The following DCBLD2 variants were observed in gnomAD, a reference collection of about 807,000 sequenced individuals.
DCBLD2 encodes the protein discoidin, CUB and LCCL domain-containing protein 2.
In DCBLD2, 54 loss-of-function variants were observed where a neutral mutation model predicts 86.8. The observed-to-expected ratio is 0.62, with a 90% CI of 0.50 to 0.78. DCBLD2 has a LOEUF of 0.78. DCBLD2 is among the 30% of genes least tolerant of loss of function. The pLI is 0.00. For missense variants in DCBLD2, 908 were observed against 954.2 expected (o/e 0.95, Z 0.64); for synonymous variants, 354 against 341.3 (o/e 1.04, Z -0.41).
intron 2 of DCBLD2, among the ~76,000 whole-genome samples, chr3:98,866,356 A>C (rs917885794): frequency 3.3e-5 from 5 of 151,986 alleles, no homozygotes; most frequent in Admixed American, 6.6e-5. Context: ...TTTCTCCACA[A>C]CCTCTCCAGC....
intron 3 of DCBLD2, among the ~76,000 whole-genome samples, chr3:98,832,058 T>C (rs1441679120): frequency 6.6e-6 from 1 of 152,190 alleles, no homozygotes; most frequent in African/African-American, 2.4e-5. Context: ...TCTCCCACTA[T>C]TATTGTGTGG....
intron 1 of DCBLD2, chr3:98,900,683 C>A: frequency 5.2e-6 from 1 of 191,064 alleles, no homozygotes; most frequent in South Asian, 8.9e-5. Flanking sequence ...CTTCAGAACC[C>A]GGGCTCTTTC....
intron 2 of DCBLD2, among the ~76,000 whole-genome samples, chr3:98,880,748 A>AT (rs201898290): frequency 0.012 from 1,754 of 152,238 alleles, 15 homozygotes; most frequent in Non-Finnish European, 0.017. Flanking sequence ...CATTCCCTGT[A>AT]TTTTTTACAA....
chr3:98,825,842 C>T (rs1942210179), intron 3 of DCBLD2, among the ~76,000 whole-genome samples: 1 of 151,808 alleles, frequency 6.6e-6, no homozygotes. Flanking sequence ...AATTTTATGG[C>T]TCTAACTATT....
chr3:98,886,117 G>GT (rs1161317757), intron 1 of DCBLD2, among the ~76,000 whole-genome samples: 1 of 151,732 alleles, frequency 6.6e-6, no homozygotes, highest in Non-Finnish European at 1.5e-5. Flanking sequence ...TAAGAGACTG[G>GT]TTTTCCCCCA....
intron 6 of DCBLD2, chr3:98,820,805 T>G (rs1480749732): frequency 6.7e-6 from 1 of 148,554 alleles, no homozygotes; most frequent in Non-Finnish European, 1.5e-5. Flanking sequence ...CAACATCTCA[T>G]GGAAGAAGTT....
intron 13 of DCBLD2, among the ~76,000 whole-genome samples, chr3:98,802,516 T>C (rs541983741): frequency 2.2e-4 from 34 of 152,236 alleles, no homozygotes; most frequent in African/African-American, 7.2e-4. Context: ...CCTGCTCACT[T>C]TGATGGTAGT....
At chr3:98,865,964 G>GT (rs1231780490) in intron 2 of DCBLD2, among the ~76,000 whole-genome samples, 1 of 150,458 alleles carries the variant, frequency 6.6e-6, no homozygotes, top group Admixed American at 6.7e-5. Context: ...GCGGTGTTCG[G>GT]TTTTTTGTCC....
chr3:98,799,188 G>T lies in DCBLD2; in HGVS notation c.*184C>A. The T allele has an allele frequency of 1.7e-6, 1 of 597,458 alleles. No individual in the cohort carries two copies. Among genetic ancestry groups the T allele is most frequent in the East Asian group, 2.9e-5 (1 of 34,172 alleles). The allele number at this position is 597,458 out of a possible 1,614,324, so 37.0% of individuals were successfully genotyped here. A position where few individuals can be genotyped will look rare whatever the true frequency, so the allele number is the denominator to read the frequency against. On this transcript the variant is annotated 3_prime_UTR_variant, in exon 16 of 16. Coordinates refer to ENST00000326840, the MANE Select transcript of DCBLD2 (RefSeq NM_080927.4). ...GAAATTTAACAGGCGAGCAGTAACT[G>T]TGCCACCATAACACCTTAAAGCAAG...
At chr3:98,815,942 T>C (rs1292816682) in intron 9 of DCBLD2, 1 of 98,852 alleles carries the variant, frequency 1.0e-5, no homozygotes, top group Non-Finnish European at 2.0e-5. Context: ...AAAATTAGAA[T>C]TGGGGAAGGG....
chr3:98,822,455 G>A (rs1428412940), intron 5 of DCBLD2, 94 bp from the exon 6 acceptor site: 1 of 1,457,060 alleles, frequency 6.9e-7, no homozygotes, highest in Admixed American at 2.6e-5. Flanking sequence ...GTTAATCTAG[G>A]CAGTTTCTTC....
intron 2 of DCBLD2, among the ~76,000 whole-genome samples, chr3:98,865,747 G>A (rs544657239): frequency 6.6e-5 from 10 of 151,772 alleles, no homozygotes; most frequent in African/African-American, 1.9e-4. Context: ...AAGTTCTAGG[G>A]TACATGTGCA....
intron 2 of DCBLD2, among the ~76,000 whole-genome samples, chr3:98,871,245 A>G (rs1943278319): frequency 6.6e-6 from 1 of 152,038 alleles, no homozygotes; most frequent in Admixed American, 6.6e-5. Context: ...AGATAGCTTG[A>G]TTTCTCTTTT....
chr3:98,900,626 A>G (rs1943830555), intron 1 of DCBLD2: 2 of 166,914 alleles, frequency 1.2e-5, no homozygotes, highest in South Asian at 1.4e-4. Context: ...TGTAAAGAAC[A>G]TGTTCTGAAT....
intron 14 of DCBLD2, among the ~76,000 whole-genome samples, chr3:98,801,088 G>A (rs1349123120): frequency 6.6e-6 from 1 of 152,184 alleles, no homozygotes; most frequent in African/African-American, 2.4e-5. Context: ...TGGCTCCTAA[G>A]AGCTGATCCA....
intron 3 of DCBLD2, 62 bp from the exon 4 acceptor site, chr3:98,825,428 C>A: frequency 1.6e-6 from 2 of 1,259,796 alleles, no homozygotes; most frequent in Non-Finnish European, 2.2e-6. Context: ...GCTGAAACTC[C>A]AAGTGTCTCA....
At chr3:98,853,789 G>C (rs1942881834) in intron 2 of DCBLD2, among the ~76,000 whole-genome samples, 1 of 152,134 alleles carries the variant, frequency 6.6e-6, no homozygotes, top group African/African-American at 2.4e-5. Flanking sequence ...CAATTAAATG[G>C]AAGCTCATTC....
At chr3:98,857,248 G>A (rs571803425) in intron 2 of DCBLD2, among the ~76,000 whole-genome samples, 4 of 152,290 alleles carry the variant, frequency 2.6e-5, no homozygotes, top group African/African-American at 4.8e-5. Context: ...AGACCTTTGC[G>A]GTGAGTGTTA....
chr3:98,891,419 A>T (rs917074257), intron 1 of DCBLD2, among the ~76,000 whole-genome samples: 2 of 152,064 alleles, frequency 1.3e-5, no homozygotes, highest in Non-Finnish European at 1.5e-5. Context: ...TAGCAGTTCT[A>T]AATTTAGTCC....
Sources: allele counts gnomAD v4.1 joint callset (sites outside exome capture counted in the v4.1 genomes callset), GRCh38; gene constraint gnomAD v4.1.1; transcripts MANE v1.5; gene names NCBI Gene and HGNC (gene_info 2026-07-23, HGNC 2026-07-21).